Variants in CNTNAP2 observed in about 807,000 individuals in gnomAD.
The protein encoded by CNTNAP2 is contactin associated protein 2, also known as contactin-associated protein-like 2.
A neutral mutation model predicts 155.2 loss-of-function variants in CNTNAP2; 98 were observed. The ratio of observed to expected loss-of-function variants is 0.63; its 90% CI spans 0.54 to 0.75. The LOEUF (loss-of-function observed/expected upper bound fraction) is 0.75, where lower values mean the gene tolerates loss of function less well. CNTNAP2 is among the 30% of genes least tolerant of loss of function. The pLI is 0.00. For missense variants in CNTNAP2, 1,727 were observed against 1,688.1 expected, an observed-to-expected ratio of 1.02 and a Z score of -0.40; for synonymous variants, 651 against 631.2, an observed-to-expected ratio of 1.03 and a Z score of -0.47.
chr7:147,157,025 C>T (rs1584761472), intron 8 of CNTNAP2, among the ~76,000 whole-genome samples: 1 of 152,106 alleles, frequency 6.6e-6, no homozygotes, highest in Non-Finnish European at 1.5e-5. Flanking sequence ...CACCTGGCTT[C>T]ACTCTCCATT....
chr7:147,256,109 T>G (rs894562110), intron 8 of CNTNAP2, among the ~76,000 whole-genome samples: 1 of 152,218 alleles, frequency 6.6e-6, no homozygotes, highest in African/African-American at 2.4e-5. Context: ...CTTAGTGTTT[T>G]AAAATAAGAT....
chr7:147,689,800 G>C (rs944510706), intron 13 of CNTNAP2, among the ~76,000 whole-genome samples: 1 of 151,860 alleles, frequency 6.6e-6, no homozygotes, highest in Non-Finnish European at 1.5e-5. Flanking sequence ...TGAAGTAGGG[G>C]TTATTCACAG....
At chr7:147,875,426 A>G (rs1799406557) in intron 13 of CNTNAP2, among the ~76,000 whole-genome samples, 1 of 152,134 alleles carries the variant, frequency 6.6e-6, no homozygotes, top group Non-Finnish European at 1.5e-5. Flanking sequence ...AGAACAGCCC[A>G]GGAAAAACCC....
chr7:148,214,771 G>A (rs188309954), intron 18 of CNTNAP2, among the ~76,000 whole-genome samples: 23 of 152,138 alleles, frequency 1.5e-4, no homozygotes, highest in African/African-American at 4.6e-4. Flanking sequence ...GGGTTTCACC[G>A]TGTTGGCCAG....
intron 1 of CNTNAP2, among the ~76,000 whole-genome samples, chr7:146,443,466 A>C (rs1796357289): frequency 1.3e-5 from 2 of 152,068 alleles, no homozygotes; most frequent in South Asian, 4.1e-4. Context: ...TTTGGGGACT[A>C]CTCCTGAGAT....
intron 13 of CNTNAP2, among the ~76,000 whole-genome samples, chr7:147,796,180 A>G (rs1229619493): frequency 6.6e-6 from 1 of 152,216 alleles, no homozygotes; most frequent in African/African-American, 2.4e-5. Flanking sequence ...GGAGTCCTAT[A>G]TCTATGTCCA....
At chr7:146,966,410 T>G (rs765462292) in intron 3 of CNTNAP2, among the ~76,000 whole-genome samples, 1 of 152,230 alleles carries the variant, frequency 6.6e-6, no homozygotes. Context: ...GAGCATTCAC[T>G]GTGCCCAAGA....
At chr7:146,428,493 G>C (rs1796125552) in intron 1 of CNTNAP2, among the ~76,000 whole-genome samples, 1 of 151,902 alleles carries the variant, frequency 6.6e-6, no homozygotes, top group Non-Finnish European at 1.5e-5. Flanking sequence ...TTTTTTTAAT[G>C]ATCAGTGATG....
intron 3 of CNTNAP2, among the ~76,000 whole-genome samples, chr7:146,856,666 C>T (rs1032952828): frequency 1.3e-5 from 2 of 152,042 alleles, no homozygotes; most frequent in South Asian, 4.1e-4. Flanking sequence ...ATAAAAATTA[C>T]AGATGAGAAG....
chr7:148,360,210 A>G lies in CNTNAP2; in HGVS notation c.3476-23439A>G, dbSNP rs934303672. Among the ~76,000 whole-genome samples the G allele has an allele frequency of 3.3e-5, 5 of 152,228 alleles. No individual in the cohort carries two copies. The East Asian group carries it at 9.6e-4, about 29-fold the overall frequency. On this transcript the variant is annotated intron_variant, in intron 21 of 23. Coordinates refer to ENST00000361727, the MANE Select transcript of CNTNAP2 (RefSeq NM_014141.6). ...AATAAACACATGGATTCCAGGCCTC[A>G]CCTAGACCAAGAACATATTCTGCAA...
At chr7:147,157,334 A>C (rs1172005601) in intron 8 of CNTNAP2, among the ~76,000 whole-genome samples, 1 of 152,092 alleles carries the variant, frequency 6.6e-6, no homozygotes, top group African/African-American at 2.4e-5. Context: ...TCCAATTTTG[A>C]TGTGAATATT....
chr7:146,162,655 G>T (rs1206880531), intron 1 of CNTNAP2, among the ~76,000 whole-genome samples: 1 of 152,144 alleles, frequency 6.6e-6, no homozygotes, highest in Non-Finnish European at 1.5e-5. Flanking sequence ...TCCCATTACT[G>T]GGTATATACC....
At chr7:146,625,205 G>A (rs973901539) in intron 1 of CNTNAP2, among the ~76,000 whole-genome samples, 12 of 151,848 alleles carry the variant, frequency 7.9e-5, no homozygotes, top group Non-Finnish European at 2.9e-5. Flanking sequence ...GGAGACTCAG[G>A]GAGCAGCACA....
chr7:146,135,046 T>A (rs1414004929), intron 1 of CNTNAP2, among the ~76,000 whole-genome samples: 28 of 152,128 alleles, frequency 1.8e-4, no homozygotes, highest in Non-Finnish European at 5.9e-5. Context: ...GGTCCTGGAC[T>A]CTTTTTTATA....
chr7:146,768,673 T>A (rs1802241700), intron 1 of CNTNAP2, among the ~76,000 whole-genome samples: 1 of 152,038 alleles, frequency 6.6e-6, no homozygotes, highest in African/African-American at 2.4e-5. Flanking sequence ...ATGGAATTTT[T>A]CCTAATATAA....
chr7:147,464,714 A>G (rs1347475437), intron 10 of CNTNAP2, among the ~76,000 whole-genome samples: 2 of 152,212 alleles, frequency 1.3e-5, no homozygotes, highest in East Asian at 1.9e-4. Flanking sequence ...GGATTTTACA[A>G]TTTAAAAATT....
At chr7:146,929,821 C>T (rs1310109184) in intron 3 of CNTNAP2, among the ~76,000 whole-genome samples, 1 of 151,924 alleles carries the variant, frequency 6.6e-6, no homozygotes, top group Non-Finnish European at 1.5e-5. Flanking sequence ...ATGCGATCAA[C>T]CGGAAGAAAG....
At chr7:146,480,591 A>G (rs1796944296) in intron 1 of CNTNAP2, among the ~76,000 whole-genome samples, 1 of 151,484 alleles carries the variant, frequency 6.6e-6, no homozygotes, top group Non-Finnish European at 1.5e-5. Flanking sequence ...CCCACTGTCA[A>G]TTACACAAAT....
chr7:146,622,664 C>T (rs1034310170), intron 1 of CNTNAP2, among the ~76,000 whole-genome samples: 1 of 152,002 alleles, frequency 6.6e-6, no homozygotes, highest in African/African-American at 2.4e-5. Flanking sequence ...TAGTAATAAA[C>T]GTGGATCCCA....
Sources: gnomAD v4.1 joint callset for allele counts (sites outside exome capture counted in the v4.1 genomes callset) on GRCh38, gnomAD v4.1.1 for gene constraint, MANE v1.5 for transcripts, NCBI Gene and HGNC (gene_info 2026-07-23, HGNC 2026-07-21) for gene names.